SHLD1: variants seen among roughly 807,000 people sequenced by gnomAD.
The protein encoded by SHLD1 is RINN1-REV7-interacting novel NHEJ regulator 3.
In SHLD1, 3 loss-of-function variants were observed where a neutral mutation model predicts 5.5. The observed-to-expected ratio is 0.54, with a 90% CI of 0.25 to 1.40. The LOEUF is 1.40. SHLD1 is among the 40% of genes most tolerant of loss of function. The pLI is 0.15. For missense variants in SHLD1, 210 were observed against 244.4 expected (o/e 0.86, Z 0.94); for synonymous variants, 92 against 94.3 (o/e 0.98, Z 0.14).
Position 5,805,298 on chromosome 20 carries a change from C to G in SHLD1, c.178+32255C>G, listed in dbSNP as rs1260986311. Among the ~76,000 whole-genome samples the G allele has an allele frequency of 2.0e-5, 3 of 152,146 alleles. No homozygotes were observed. The South Asian group carries it at 6.2e-4, about 32-fold the overall frequency. ...TCAGCCTCCCAAGTAGCTGGGATTA[C>G]AGGCATGTGCCACCATGCCTGGCTA... On this transcript the variant is annotated intron_variant, in intron 2 of 2. Transcript: ENST00000303142.
intron 2 of SHLD1, among the ~76,000 whole-genome samples, chr20:5,837,951 C>T (rs1273306233): frequency 6.6e-6 from 1 of 152,150 alleles, no homozygotes; most frequent in African/African-American, 2.4e-5. Flanking sequence ...GTTCAAGGAT[C>T]AGCTGTAGTT....
intron 2 of SHLD1, among the ~76,000 whole-genome samples, chr20:5,776,661 C>G (rs1985443047): frequency 6.6e-6 from 1 of 151,892 alleles, no homozygotes; most frequent in African/African-American, 2.4e-5. Flanking sequence ...TACTCGGGGG[C>G]CTGAGGCAGG....
At position 5,821,461 on chromosome 20, in the gene SHLD1, G is replaced by A. The variant is rs185923273; in HGVS notation, c.179-41563G>A. 2.4e-3 allele frequency among the ~76,000 whole-genome samples: 373 copies of A among 152,246 alleles called. 3 individuals are homozygous for A. Among genetic ancestry groups the A allele is most frequent in the African/African-American group, 8.4e-3 (350 of 41,534 alleles). The stretch of plus-strand genomic sequence containing the variant: ...CAGGAGGCGGAGGTTGCAGTGAGCT[G>A]AGATCACACCACTGCACTCCAGCCT... On this transcript the variant is annotated intron_variant, in intron 2 of 2. Coordinates refer to ENST00000303142, the MANE Select transcript of SHLD1 (RefSeq NM_152504.4).
At chr20:5,820,594 C>T (rs1035714556) in intron 2 of SHLD1, among the ~76,000 whole-genome samples, 2 of 152,186 alleles carry the variant, frequency 1.3e-5, no homozygotes, top group Admixed American at 6.5e-5. Flanking sequence ...ACCAGGCAAA[C>T]TCAGAGTTGT....
At chr20:5,795,268 A>AACAC (rs976955956) in intron 2 of SHLD1, among the ~76,000 whole-genome samples, 4 of 150,510 alleles carry the variant, frequency 2.7e-5, no homozygotes, top group East Asian at 3.9e-4. Context: ...CAAAACAAAA[A>AACAC]ACACACACAC....
chr20:5,794,205 A>G (rs1014677459), intron 2 of SHLD1, among the ~76,000 whole-genome samples: 1 of 152,184 alleles, frequency 6.6e-6, no homozygotes, highest in African/African-American at 2.4e-5. Flanking sequence ...CATCTATAAG[A>G]TGAGGACAAT....
chr20:5,859,382 T>G (rs549891120), intron 2 of SHLD1, among the ~76,000 whole-genome samples: 1 of 152,348 alleles, frequency 6.6e-6, no homozygotes, highest in South Asian at 2.1e-4. Context: ...ACTCACTAAA[T>G]GCAAGTAGCA....
chr20:5,751,965 G>GTT (rs1478362507), intron 1 of SHLD1, among the ~76,000 whole-genome samples: 1 of 152,170 alleles, frequency 6.6e-6, no homozygotes, highest in Non-Finnish European at 1.5e-5. Flanking sequence ...GCTTGAGAGA[G>GTT]TTAAGCTTTG....
chr20:5,857,318 C>T (rs2088101388), intron 2 of SHLD1, among the ~76,000 whole-genome samples: 1 of 152,036 alleles, frequency 6.6e-6, no homozygotes, highest in Non-Finnish European at 1.5e-5. Flanking sequence ...AAAAGGGGAC[C>T]CATGACTATT....
chr20:5,777,452 CT>C (rs1985482627), intron 2 of SHLD1, among the ~76,000 whole-genome samples: 1 of 150,744 alleles, frequency 6.6e-6, no homozygotes, highest in Non-Finnish European at 1.5e-5. Context: ...CTTTTTTTTT[CT>C]TTTTCGAGGT....
intron 2 of SHLD1, among the ~76,000 whole-genome samples, chr20:5,820,238 G>T (rs1031992026): frequency 6.6e-6 from 1 of 152,212 alleles, no homozygotes; most frequent in Non-Finnish European, 1.5e-5. Context: ...GAGCCACCAT[G>T]CCCAGCCAGT....
chr20:5,860,186 C>T (rs1435989023), intron 2 of SHLD1, among the ~76,000 whole-genome samples: 4 of 151,982 alleles, frequency 2.6e-5, no homozygotes, highest in Non-Finnish European at 5.9e-5. Flanking sequence ...CCTGCCATCA[C>T]GGGACCCCAT....
intron 2 of SHLD1, among the ~76,000 whole-genome samples, chr20:5,776,034 TCTC>T (rs1279290590): frequency 6.7e-6 from 1 of 148,826 alleles, no homozygotes; most frequent in Non-Finnish European, 1.5e-5. Flanking sequence ...TTCAAGCAAT[TCTC>T]CTGTCTCAGC....
intron 1 of SHLD1, among the ~76,000 whole-genome samples, chr20:5,758,167 G>A (rs764469242): frequency 9.9e-5 from 15 of 151,508 alleles, no homozygotes; most frequent in Non-Finnish European, 1.6e-4. Context: ...TGCAGTGGGA[G>A]GAAGCAGGGT....
At chr20:5,852,705 C>A (rs538238499) in intron 2 of SHLD1, among the ~76,000 whole-genome samples, 1 of 152,368 alleles carries the variant, frequency 6.6e-6, no homozygotes, top group South Asian at 2.1e-4. Flanking sequence ...CTGCCTCAGC[C>A]TCCCAAAGTG....
intron 2 of SHLD1, among the ~76,000 whole-genome samples, chr20:5,848,774 C>T (rs147224548): frequency 6.6e-6 from 1 of 152,310 alleles, no homozygotes; most frequent in African/African-American, 2.4e-5. Context: ...TTACTAAACA[C>T]ACCTGTCTTT....
Position 5,775,923 on chromosome 20 carries a change from A to ATTTTTTTTTT in SHLD1, c.178+2893_178+2902dup, listed in dbSNP as rs533313849. On this transcript the variant is annotated intron_variant, in intron 2 of 2. Transcript: ENST00000303142. The stretch of plus-strand genomic sequence containing the variant: ...TGCAGTACTGCCTGGTCAGCTCAGG[A>ATTTTTTTTTT]TTTTTTTTTTTTTTTTTTTTTTGAG... 1.8e-3 allele frequency among the ~76,000 whole-genome samples: 139 copies of ATTTTTTTTTT among 77,674 alleles called. 24 individuals are homozygous for ATTTTTTTTTT. The Middle Eastern group carries it at 0.025, about 14-fold the overall frequency. 51.0% of individuals were successfully genotyped at this position (77,674 alleles called of 152,430 possible).
rs535692292 is a variant in SHLD1, at chr20:5,799,393, C to T, written c.178+26350C>T. Among the ~76,000 whole-genome samples, 17 of 151,772 alleles carry T rather than the reference C, an allele frequency of 1.1e-4. No individual in the cohort carries two copies. In the East Asian group the frequency reaches 1.2e-3, roughly 10 times the overall value. ...TTGGCTCACTGCGGCCTCAACTTCC[C>T]GGGTTCAAACAATCCTCCTATCTTG... is the stretch of plus-strand genomic sequence containing the variant. On this transcript the variant is annotated intron_variant, in intron 2 of 2. Transcript: ENST00000303142.
At chr20:5,842,131 G>T (rs971304154) in intron 2 of SHLD1, among the ~76,000 whole-genome samples, 1 of 152,164 alleles carries the variant, frequency 6.6e-6, no homozygotes, top group Admixed American at 6.5e-5. Context: ...AGATGATCAC[G>T]TGTGATTTGA....
Sources: allele counts gnomAD v4.1 joint callset (sites outside exome capture counted in the v4.1 genomes callset), GRCh38; gene constraint gnomAD v4.1.1; transcripts MANE v1.5; gene names NCBI Gene and HGNC (gene_info 2026-07-23, HGNC 2026-07-21).